ZNF521: variants seen among roughly 807,000 people sequenced by gnomAD.
ZNF521 encodes LYST-interacting protein 3.
ZNF521 carries 14 observed loss-of-function variants against 105.5 expected under a neutral mutation model. The ratio of observed to expected loss-of-function variants is 0.13; its 90% CI spans 0.09 to 0.21. The LOEUF is 0.21. Ranked by LOEUF, ZNF521 falls within the 10% of genes least tolerant of loss-of-function variation. ZNF521 has a pLI of 1.00. For missense variants in ZNF521, 1,233 were observed against 1,629.7 expected (o/e 0.76, Z 4.19); for synonymous variants, 635 against 606.0 (o/e 1.05, Z -0.70).
At chr18:25,190,221 C>T (rs1233278543) in intron 5 of ZNF521, among the ~76,000 whole-genome samples, 1 of 152,044 alleles carries the variant, frequency 6.6e-6, no homozygotes, top group Non-Finnish European at 1.5e-5. Context: ...TTTCTTAATT[C>T]TCTGAATTTT....
At chr18:25,203,355 G>A (rs1424167096) in intron 4 of ZNF521, among the ~76,000 whole-genome samples, 1 of 152,168 alleles carries the variant, frequency 6.6e-6, no homozygotes, top group Non-Finnish European at 1.5e-5. Flanking sequence ...GGTGGCTCAT[G>A]CCTATAACTC....
intron 3 of ZNF521, among the ~76,000 whole-genome samples, chr18:25,296,847 T>C (rs1911345738): frequency 6.6e-6 from 1 of 152,184 alleles, no homozygotes; most frequent in Non-Finnish European, 1.5e-5. Flanking sequence ...CTAGACAATA[T>C]GCTCCTAAGA....
intron 5 of ZNF521, among the ~76,000 whole-genome samples, chr18:25,174,495 GT>G (rs1567994593): frequency 1.3e-5 from 2 of 152,196 alleles, no homozygotes; most frequent in Non-Finnish European, 2.9e-5. Flanking sequence ...GAGAGGGCAG[GT>G]GGGGGAGACA....
chr18:25,252,565 A>G (rs1349781658), intron 3 of ZNF521, among the ~76,000 whole-genome samples: 3 of 152,126 alleles, frequency 2.0e-5, no homozygotes, highest in Admixed American at 2.0e-4. Context: ...CAGATCATAA[A>G]ATACCATAGG....
At chr18:25,281,459 C>G (rs1458832121) in intron 3 of ZNF521, among the ~76,000 whole-genome samples, 2 of 152,202 alleles carry the variant, frequency 1.3e-5, no homozygotes, top group East Asian at 3.9e-4. Context: ...CCATAGAATG[C>G]ATGTGCTGGA....
intron 5 of ZNF521, among the ~76,000 whole-genome samples, chr18:25,177,105 C>G (rs547717443): frequency 2.0e-5 from 3 of 151,884 alleles, no homozygotes; most frequent in Non-Finnish European, 1.5e-5. Flanking sequence ...TTTTTTACTG[C>G]TAGTTTTATT....
At chr18:25,207,524 T>C (rs1205145092) in intron 4 of ZNF521, among the ~76,000 whole-genome samples, 1 of 152,220 alleles carries the variant, frequency 6.6e-6, no homozygotes, top group East Asian at 1.9e-4. Context: ...AATGTGCATA[T>C]TATATTCAAA....
chr18:25,170,425 C>A (rs1395151298), intron 5 of ZNF521, among the ~76,000 whole-genome samples: 4 of 152,114 alleles, frequency 2.6e-5, no homozygotes, highest in African/African-American at 9.7e-5. Context: ...ACATCTTTGT[C>A]CTTCCGTAGA....
chr18:25,073,441 A>G (rs1304450271), intron 7 of ZNF521, among the ~76,000 whole-genome samples: 1 of 152,224 alleles, frequency 6.6e-6, no homozygotes. Context: ...CACTGGCATC[A>G]TTTACTTCAC....
chr18:25,280,648 T>C (rs941891249), intron 3 of ZNF521, among the ~76,000 whole-genome samples: 2 of 152,106 alleles, frequency 1.3e-5, no homozygotes, highest in Admixed American at 1.3e-4. Context: ...AGAGCCCACA[T>C]CCAGTAGTTG....
intron 5 of ZNF521, among the ~76,000 whole-genome samples, chr18:25,128,705 A>T (rs2034582731): frequency 6.6e-6 from 1 of 152,056 alleles, no homozygotes; most frequent in Admixed American, 6.6e-5. Flanking sequence ...CATTCATATT[A>T]ATTTCAAAAA....
At chr18:25,232,510 A>C (rs1906601577) in intron 3 of ZNF521, among the ~76,000 whole-genome samples, 1 of 152,242 alleles carries the variant, frequency 6.6e-6, no homozygotes, top group Non-Finnish European at 1.5e-5. Flanking sequence ...ACCCAATGGC[A>C]ATCTACAGTG....
At chr18:25,122,954 G>A (rs2034471020) in intron 5 of ZNF521, among the ~76,000 whole-genome samples, 1 of 152,048 alleles carries the variant, frequency 6.6e-6, no homozygotes, top group Admixed American at 6.5e-5. Flanking sequence ...AGTCACAGGT[G>A]TTTTGGTTTG....
chr18:25,280,432 A>T (rs1022775218), intron 3 of ZNF521, among the ~76,000 whole-genome samples: 16 of 152,070 alleles, frequency 1.1e-4, no homozygotes, highest in African/African-American at 3.9e-4. Flanking sequence ...AAAAAAAAAA[A>T]AAGAGCAAGA....
intron 5 of ZNF521, among the ~76,000 whole-genome samples, chr18:25,102,590 T>C: frequency 6.6e-6 from 1 of 152,062 alleles, no homozygotes; most frequent in East Asian, 1.9e-4. Flanking sequence ...ACAGTATATG[T>C]GCTCATAGCT....
chr18:25,114,019 C>T (rs975158844), intron 5 of ZNF521, among the ~76,000 whole-genome samples: 1 of 151,914 alleles, frequency 6.6e-6, no homozygotes, highest in Non-Finnish European at 1.5e-5. Flanking sequence ...CTTGTGCCCT[C>T]ATGGTTAGCA....
intron 5 of ZNF521, among the ~76,000 whole-genome samples, chr18:25,100,453 G>A (rs555746903): frequency 7.7e-4 from 117 of 152,050 alleles, no homozygotes; most frequent in Non-Finnish European, 1.5e-3. Flanking sequence ...TAGAATCACA[G>A]TTCACCACAA....
intron 5 of ZNF521, among the ~76,000 whole-genome samples, chr18:25,160,620 G>T (rs1423611303): frequency 6.6e-6 from 1 of 152,178 alleles, no homozygotes; most frequent in East Asian, 1.9e-4. Context: ...CCACAGATAA[G>T]TTCGCGCATA....
chr18:25,286,176 G>C (rs1160536427), intron 3 of ZNF521, among the ~76,000 whole-genome samples: 4 of 152,192 alleles, frequency 2.6e-5, no homozygotes, highest in Non-Finnish European at 5.9e-5. Context: ...AAGGACAGGA[G>C]TGGAATACTG....
Sources: gnomAD v4.1 joint callset for allele counts (sites outside exome capture counted in the v4.1 genomes callset) on GRCh38, gnomAD v4.1.1 for gene constraint, MANE v1.5 for transcripts, NCBI Gene and HGNC (gene_info 2026-07-23, HGNC 2026-07-21) for gene names.